AKR1C8: variants seen among roughly 807,000 people sequenced by gnomAD.
The protein encoded by AKR1C8 is aldo-keto reductase family 1 member C-like protein 1.
chr10:5,162,122 T>C, the AKR1C8 span: 11 of 369,802 alleles, frequency 3.0e-5, no homozygotes, highest in South Asian at 6.3e-5. Flanking sequence ...TTACTCAGTA[T>C]AAATCAAGTC....
chr10:5,170,992 C>T, the AKR1C8 span, among the ~76,000 whole-genome samples: 3 of 152,060 alleles, frequency 2.0e-5, no homozygotes, highest in African/African-American at 7.2e-5. Context: ...AGAAAAATGT[C>T]TTTCACTTTG....
At chr10:5,158,437 A>G in the AKR1C8 span, among the ~76,000 whole-genome samples, 80,154 of 152,098 alleles carry the variant, frequency 0.53, 22,125 homozygotes, top group Non-Finnish European at 0.6. Flanking sequence ...TGTTGGTGAC[A>G]TTTAAGCTCA....
At chr10:5,176,700 T>A in the AKR1C8 span, among the ~76,000 whole-genome samples, 1 of 152,168 alleles carries the variant, frequency 6.6e-6, no homozygotes, top group Admixed American at 6.5e-5. Flanking sequence ...TCACATCCCT[T>A]GTAAGTTGGA....
the AKR1C8 span, chr10:5,135,179 C>T: frequency 4.4e-6 from 1 of 225,402 alleles, no homozygotes. Context: ...CTAATACAGG[C>T]ATGAAATGAC....
chr10:5,132,176 G>A, the AKR1C8 span, among the ~76,000 whole-genome samples: 1 of 142,764 alleles, frequency 7.0e-6, no homozygotes, highest in African/African-American at 2.5e-5. Flanking sequence ...AGGACTCAGT[G>A]TTGGGGGAGG....
the AKR1C8 span, among the ~76,000 whole-genome samples, chr10:5,179,219 T>TATTTCTCC: frequency 6.6e-6 from 1 of 152,178 alleles, no homozygotes; most frequent in Non-Finnish European, 1.5e-5. Context: ...TAAAGTATTT[T>TATTTCTCC]ATTTCTCCTT....
chr10:5,132,310 G>C, the AKR1C8 span, among the ~76,000 whole-genome samples: 1 of 152,010 alleles, frequency 6.6e-6, no homozygotes, highest in Non-Finnish European at 1.5e-5. Context: ...AAATCCACTT[G>C]TACCACAAAA....
At chr10:5,138,408 T>A in the AKR1C8 span, among the ~76,000 whole-genome samples, 1 of 152,096 alleles carries the variant, frequency 6.6e-6, no homozygotes, top group Non-Finnish European at 1.5e-5. Context: ...ATATGGCTCT[T>A]TTTGCCTGAC....
the AKR1C8 span, among the ~76,000 whole-genome samples, chr10:5,175,734 G>A: frequency 0.061 from 9,312 of 152,260 alleles, 345 homozygotes; most frequent in Middle Eastern, 0.082. Flanking sequence ...CAGTGATGGT[G>A]AGCATTTTTT....
the AKR1C8 span, among the ~76,000 whole-genome samples, chr10:5,150,487 C>A: frequency 6.0e-4 from 92 of 152,076 alleles, no homozygotes; most frequent in African/African-American, 2.2e-3. Context: ...AAATCACACT[C>A]AAAGAAAGTT....
At chr10:5,132,142 A>C in the AKR1C8 span, among the ~76,000 whole-genome samples, 1 of 152,110 alleles carries the variant, frequency 6.6e-6, no homozygotes, top group Non-Finnish European at 1.5e-5. Flanking sequence ...ATGTAAAGAC[A>C]TACAGATGAT....
the AKR1C8 span, among the ~76,000 whole-genome samples, chr10:5,176,282 A>G: frequency 0.29 from 22,642 of 79,176 alleles, 4,520 homozygotes; most frequent in Non-Finnish European, 0.36. Flanking sequence ...AAGATCCGAT[A>G]GTTGTAGATA....
At chr10:5,117,534 C>T in the AKR1C8 span, among the ~76,000 whole-genome samples, 1 of 152,094 alleles carries the variant, frequency 6.6e-6, no homozygotes, top group African/African-American at 2.4e-5. Flanking sequence ...CATGCTGGTT[C>T]TAGGTGTGTA....
chr10:5,155,746 A>G, the AKR1C8 span: 5 of 475,124 alleles, frequency 1.1e-5, no homozygotes, highest in South Asian at 6.2e-5. Context: ...GAGTCAACTC[A>G]AAGTCAAAAA....
chr10:5,177,522 T>C, the AKR1C8 span, among the ~76,000 whole-genome samples: 2 of 152,360 alleles, frequency 1.3e-5, no homozygotes, highest in South Asian at 4.1e-4. Flanking sequence ...TTCCTTCTTT[T>C]TCTATTGATT....
At chr10:5,149,336 C>T in the AKR1C8 span, among the ~76,000 whole-genome samples, 2 of 152,020 alleles carry the variant, frequency 1.3e-5, no homozygotes, top group Admixed American at 6.6e-5. Flanking sequence ...CAAAATATGT[C>T]ATAGTCTTAT....
the AKR1C8 span, chr10:5,122,113 C>T: frequency 4.8e-5 from 18 of 374,310 alleles, no homozygotes; most frequent in East Asian, 1.1e-4. Context: ...CGGAGATTTC[C>T]GTTGAGGCTG....
the AKR1C8 span, among the ~76,000 whole-genome samples, chr10:5,118,066 G>A: frequency 2.0e-5 from 3 of 152,144 alleles, no homozygotes; most frequent in Non-Finnish European, 4.4e-5. Context: ...ACTTGGTCTA[G>A]CACCAACTTA....
the AKR1C8 span, among the ~76,000 whole-genome samples, chr10:5,173,507 A>G: frequency 6.6e-6 from 1 of 152,052 alleles, no homozygotes; most frequent in Non-Finnish European, 1.5e-5. Flanking sequence ...CATGAGAATA[A>G]AGAAGGGGTT....
Sources: gnomAD v4.1 joint callset for allele counts (sites outside exome capture counted in the v4.1 genomes callset) on GRCh38, gnomAD v4.1.1 for gene constraint, MANE v1.5 for transcripts, NCBI Gene and HGNC (gene_info 2026-07-23, HGNC 2026-07-21) for gene names.